The following PCDH15 variants were observed in gnomAD, a reference collection of about 807,000 sequenced individuals.
The protein encoded by PCDH15 is protocadherin-15.
A neutral mutation model predicts 178.5 loss-of-function variants in PCDH15; 129 were observed. That is an observed-to-expected ratio of 0.72 (90% CI 0.63 to 0.84). The LOEUF (loss-of-function observed/expected upper bound fraction) is 0.84. Ranked by LOEUF, PCDH15 falls within the 40% of genes least tolerant of loss-of-function variation. The probability of loss-of-function intolerance (pLI) is 0.00; values close to 1 mark genes in which losing one functional copy is unlikely to be tolerated. For synonymous variants in PCDH15, 800 were observed against 732.0 expected (o/e 1.09, Z -1.50); for missense variants, 2,230 against 2,099.9 (o/e 1.06, Z -1.21).
intron 3 of PCDH15, among the ~76,000 whole-genome samples, chr10:54,389,080 C>T (rs953254925): frequency 7.9e-5 from 12 of 152,064 alleles, no homozygotes; most frequent in African/African-American, 2.7e-4. Flanking sequence ...ATTTATTTAT[C>T]CCTATTGAGA....
At chr10:55,208,693 A>T (rs952849581) in intron 1 of PCDH15, among the ~76,000 whole-genome samples, 1 of 151,892 alleles carries the variant, frequency 6.6e-6, no homozygotes, top group Non-Finnish European at 1.5e-5. Flanking sequence ...CTTTTCACAT[A>T]TTTGCTCCTA....
At chr10:54,089,877 G>A in intron 16 of PCDH15, 107 bp downstream of exon 16, 1 of 826,364 alleles carries the variant, frequency 1.2e-6, no homozygotes, top group Non-Finnish European at 2.0e-6. Context: ...AAACAGAAAG[G>A]GAAGTACAAC....
intron 3 of PCDH15, among the ~76,000 whole-genome samples, chr10:54,808,243 A>C (rs530940746): frequency 6.6e-6 from 1 of 152,320 alleles, no homozygotes; most frequent in Non-Finnish European, 1.5e-5. Context: ...AAAATAATTT[A>C]TTCTGTCTGT....
At chr10:54,778,450 C>T (rs1051587241) in intron 1 of PCDH15, among the ~76,000 whole-genome samples, 1 of 152,080 alleles carries the variant, frequency 6.6e-6, no homozygotes, top group African/African-American at 2.4e-5. Context: ...TCAAACATTG[C>T]TTTTCTGCTA....
chr10:54,219,552 C>T (rs1426466135), intron 9 of PCDH15, among the ~76,000 whole-genome samples: 2 of 138,538 alleles, frequency 1.4e-5, no homozygotes, highest in Admixed American at 1.6e-4. Context: ...AAGATCCCGC[C>T]ACTGCACTCC....
chr10:55,205,975 A>C (rs1181035597), intron 1 of PCDH15, among the ~76,000 whole-genome samples: 2 of 151,918 alleles, frequency 1.3e-5, no homozygotes, highest in Non-Finnish European at 2.9e-5. Context: ...AGATCTGGTG[A>C]GATCCATTCA....
chr10:55,264,389 T>G (rs1203039970), intron 1 of PCDH15, among the ~76,000 whole-genome samples: 1 of 151,998 alleles, frequency 6.6e-6, no homozygotes, highest in Non-Finnish European at 1.5e-5. Flanking sequence ...ACTCACAGGT[T>G]GTTGGCAGCA....
intron 1 of PCDH15, among the ~76,000 whole-genome samples, chr10:55,260,769 T>G (rs900665324): frequency 2.0e-5 from 3 of 152,204 alleles, no homozygotes; most frequent in Non-Finnish European, 2.9e-5. Flanking sequence ...GTAGGGCTTT[T>G]AAAATGTTAT....
intron 2 of PCDH15, among the ~76,000 whole-genome samples, chr10:55,509,563 T>C (rs1448217243): frequency 6.6e-6 from 1 of 151,896 alleles, no homozygotes; most frequent in Non-Finnish European, 1.5e-5. Flanking sequence ...GCAATGTACA[T>C]GTGATTTATA....
At chr10:54,812,418 G>C (rs568461130) in intron 3 of PCDH15, among the ~76,000 whole-genome samples, 4 of 151,566 alleles carry the variant, frequency 2.6e-5, no homozygotes, top group African/African-American at 9.7e-5. Context: ...TTACAAGTGC[G>C]TGCCACCACA....
At chr10:53,863,632 T>G (rs908650100) in intron 27 of PCDH15, among the ~76,000 whole-genome samples, 3 of 152,114 alleles carry the variant, frequency 2.0e-5, no homozygotes, top group Non-Finnish European at 4.4e-5. Context: ...GGATGGCAGC[T>G]AGAAGGTGAT....
chr10:55,531,009 T>TTTTGTTTGTTTG lies in PCDH15; in HGVS notation c.-156+96604_-156+96615dup, dbSNP rs111833955. 7.1e-3 allele frequency among the ~76,000 whole-genome samples: 1,031 copies of TTTTGTTTGTTTG among 144,470 alleles called. 10 individuals carry two copies. Among genetic ancestry groups the TTTTGTTTGTTTG allele is most frequent in the African/African-American group, 0.023 (938 of 40,142 alleles). 94.8% of individuals were successfully genotyped at this position (144,470 alleles called of 152,430 possible). ...GTCAAAGTCTACAAATTAGGGTTGC[T>TTTTGTTTGTTTG]TTTGTTTGTTTGTTTGTTTGTTTCA... On this transcript the variant is annotated intron_variant, in intron 2 of 5. Transcript: ENST00000613346.
At chr10:53,950,585 C>G (rs909509888) in intron 23 of PCDH15, among the ~76,000 whole-genome samples, 1 of 152,140 alleles carries the variant, frequency 6.6e-6, no homozygotes, top group African/African-American at 2.4e-5. Context: ...ATGATCTATT[C>G]CAGACGTGTT....
intron 32 of PCDH15, among the ~76,000 whole-genome samples, chr10:53,825,844 A>C (rs1009235716): frequency 6.6e-6 from 1 of 151,534 alleles, no homozygotes; most frequent in African/African-American, 2.4e-5. Context: ...CAATGAATAC[A>C]TATATTACAA....
rs150540841 is a variant in PCDH15, at chr10:54,618,247, T to G, written c.91+45925A>C. ...ATGACAGTATAAGTATCTATTTAAC[T>G]GGAGCAATAAACATACATATCTTTC... On this transcript the variant is annotated intron_variant, in intron 2 of 37. Transcript: ENST00000644397. Among the ~76,000 whole-genome samples the G allele has an allele frequency of 1.6e-3, 249 of 152,244 alleles. 1 individual carries two copies. The highest frequency in any genetic ancestry group is 5.6e-3 in the African/African-American group (233 of 41,566).
intron 1 of PCDH15, among the ~76,000 whole-genome samples, chr10:54,774,916 A>G (rs1034684882): frequency 8.5e-5 from 13 of 152,166 alleles, no homozygotes; most frequent in Admixed American, 1.3e-4. Flanking sequence ...AGAAGAAAAA[A>G]AAGTGCTTTT....
intron 2 of PCDH15, among the ~76,000 whole-genome samples, chr10:54,939,186 A>G (rs1837989234): frequency 6.6e-6 from 1 of 151,780 alleles, no homozygotes; most frequent in Non-Finnish European, 1.5e-5. Context: ...TTTCTAGGTA[A>G]TTTTCTATTT....
intron 2 of PCDH15, among the ~76,000 whole-genome samples, chr10:55,413,687 T>C (rs1292742081): frequency 6.6e-6 from 1 of 151,790 alleles, no homozygotes; most frequent in Non-Finnish European, 1.5e-5. Flanking sequence ...TATTAAATGA[T>C]ATACAAAGCA....
intron 25 of PCDH15, among the ~76,000 whole-genome samples, chr10:53,910,558 A>T (rs1218478079): frequency 6.6e-6 from 1 of 152,218 alleles, no homozygotes; most frequent in Non-Finnish European, 1.5e-5. Flanking sequence ...AATGGGAAGA[A>T]ACCAGAGCAG....
Sources: allele counts gnomAD v4.1 joint callset (sites outside exome capture counted in the v4.1 genomes callset), GRCh38; gene constraint gnomAD v4.1.1; transcripts MANE v1.5; gene names NCBI Gene and HGNC (gene_info 2026-07-23, HGNC 2026-07-21).